The following ELAPOR2 variants were observed in gnomAD, a reference collection of about 807,000 sequenced individuals.
ELAPOR2 encodes the protein endosome/lysosome-associated apoptosis and autophagy regulator family member 2.
In ELAPOR2, 89 loss-of-function variants were observed where a neutral mutation model predicts 120.7. The ratio of observed to expected loss-of-function variants is 0.74; its 90% CI spans 0.62 to 0.88. The LOEUF (loss-of-function observed/expected upper bound fraction) is 0.88. Ranked by LOEUF, ELAPOR2 falls within the 40% of genes least tolerant of loss-of-function variation. The pLI is 0.00. For missense variants in ELAPOR2, 1,134 were observed against 1,251.6 expected (o/e 0.91, Z 1.42); for synonymous variants, 444 against 444.9 (o/e 1.00, Z 0.03).
At chr7:87,025,608 C>G (rs1748298547) in intron 1 of ELAPOR2, among the ~76,000 whole-genome samples, 1 of 151,994 alleles carries the variant, frequency 6.6e-6, no homozygotes, top group African/African-American at 2.4e-5. Flanking sequence ...GCATTACCTG[C>G]CAATCAATTC....
chr7:86,988,635 A>G (rs1792839168), intron 1 of ELAPOR2, among the ~76,000 whole-genome samples: 1 of 152,236 alleles, frequency 6.6e-6, no homozygotes, highest in Non-Finnish European at 1.5e-5. Flanking sequence ...TACAACGATC[A>G]TAGTAACTGC....
chr7:87,059,542 C>A lies in ELAPOR2; in HGVS notation c.-29G>T, dbSNP rs1795371412. 8.5e-7 allele frequency: 1 copy of A among 1,170,346 alleles called. No homozygotes were observed. Among genetic ancestry groups the A allele is most frequent in the Non-Finnish European group, 1.1e-6 (1 of 948,690 alleles). The allele number at this position is 1,170,346 out of a possible 1,614,324, so 72.5% of individuals were successfully genotyped here. ...CGTCCGGCCGCGGTCGGCGGGCCGG[C>A]GGCAAGGCAGCCTTCCCGGGGTGCG... On this transcript the variant is annotated 5_prime_UTR_variant, in exon 1 of 22. Transcript: ENST00000450689.
chr7:87,023,974 A>T (rs968598789), intron 1 of ELAPOR2, among the ~76,000 whole-genome samples: 8 of 152,138 alleles, frequency 5.3e-5, no homozygotes, highest in Admixed American at 3.3e-4. Context: ...GGCTGAGACG[A>T]TGGGGTTTTC....
chr7:86,889,857 GAA>G (rs1788051519), intron 21 of ELAPOR2, among the ~76,000 whole-genome samples: 1 of 151,902 alleles, frequency 6.6e-6, no homozygotes, highest in South Asian at 2.1e-4. Flanking sequence ...GTCAACACAA[GAA>G]AGCTATCTAG....
intron 1 of ELAPOR2, among the ~76,000 whole-genome samples, chr7:86,989,301 A>G (rs1177697380): frequency 6.6e-6 from 1 of 152,220 alleles, no homozygotes; most frequent in Non-Finnish European, 1.5e-5. Context: ...CACATACAAA[A>G]TACGTGCATA....
chr7:87,043,137 A>G (rs1794838582), intron 1 of ELAPOR2, among the ~76,000 whole-genome samples: 1 of 151,912 alleles, frequency 6.6e-6, no homozygotes, highest in Non-Finnish European at 1.5e-5. Flanking sequence ...CCAACGAAAA[A>G]GAGTCCAGGA....
chr7:87,013,452 GC>G (rs1450681652), intron 1 of ELAPOR2, among the ~76,000 whole-genome samples: 1 of 152,082 alleles, frequency 6.6e-6, no homozygotes, highest in Non-Finnish European at 1.5e-5. Context: ...TTTTTAAAAT[GC>G]CCAGGGTTTT....
chr7:86,954,827 G>T (rs1259357075), intron 2 of ELAPOR2, among the ~76,000 whole-genome samples: 1 of 152,042 alleles, frequency 6.6e-6, no homozygotes, highest in Non-Finnish European at 1.5e-5. Context: ...CAATGGGTTA[G>T]TCTTATTTAA....
Position 86,912,942 on chromosome 7 carries a change from T to C in ELAPOR2, c.1994A>G (p.Gln665Arg), listed in dbSNP as rs1225648661. ...IPCGPGSKNN[Q>R]DHSVCYSDCF... is the part of the protein sequence containing the mutation. ...TACCTGAAATGCAGACCCACTTACC[T>C]GATTGTTTTTACTCCCAGGCCCGCA... The change falls in exon 14 of 22, where the codon CAG becomes CGG. Residue 665 changes from glutamine (Q) to arginine (R), a missense_variant and splice_region_variant. This residue lies in a region of ELAPOR2 where 831 missense variants were observed against 867.6 expected (regional missense o/e 0.96). Coordinates refer to ENST00000450689, the MANE Select transcript of ELAPOR2 (RefSeq NM_001142749.3). 6.2e-7 allele frequency: 1 copy of C among 1,613,668 alleles called. No homozygotes were observed. Among genetic ancestry groups the C allele is most frequent in the Non-Finnish European group, 8.5e-7 (1 of 1,179,740 alleles).
chr7:86,919,459 G>C (rs1789721275), intron 10 of ELAPOR2, 149 bp from the exon 11 acceptor site: 4 of 516,650 alleles, frequency 7.7e-6, no homozygotes, highest in Non-Finnish European at 1.3e-5. Flanking sequence ...TTTAATCACA[G>C]TCGCAAATTT....
Position 86,965,033 on chromosome 7 carries a change from A to C in ELAPOR2, c.190-9T>G. 1 of 1,551,458 alleles carries C rather than the reference A, an allele frequency of 6.4e-7. No individual in the cohort carries two copies. Among genetic ancestry groups the C allele is most frequent in the East Asian group, 2.4e-5 (1 of 40,918 alleles). ...TCAAAGTGATAATCTTTCTGCAAAC[A>C]ATCACAAAAACAAGCCTTTGTTAGA... is the stretch of plus-strand genomic sequence containing the variant. On this transcript the variant is annotated splice_polypyrimidine_tract_variant and intron_variant, in intron 1 of 21. Coordinates refer to ENST00000450689, the MANE Select transcript of ELAPOR2 (RefSeq NM_001142749.3).
At chr7:86,919,184 A>G in intron 11 of ELAPOR2, 36 bp downstream of exon 11, 4 of 1,463,948 alleles carry the variant, frequency 2.7e-6, no homozygotes, top group Non-Finnish European at 3.8e-6. Flanking sequence ...AGGTGTAAGG[A>G]TTCTTACAGA....
rs531132296 is a variant in ELAPOR2 at position 86,951,540 on chromosome 7, A to C, written c.311-3618T>G. ...TTTCCATGAAGTCAGAAGGAAAACT[A>C]AGAGATAAAGTTGAAAGTGAATATA... On this transcript the variant is annotated intron_variant, in intron 2 of 21. Coordinates refer to ENST00000450689, the MANE Select transcript of ELAPOR2 (RefSeq NM_001142749.3). Among the ~76,000 whole-genome samples, 4 of 152,366 alleles carry C rather than the reference A, an allele frequency of 2.6e-5. No homozygotes were observed. In the East Asian group the frequency reaches 7.7e-4, roughly 29 times the overall value.
chr7:87,005,188 C>T (rs1366519958), intron 1 of ELAPOR2, among the ~76,000 whole-genome samples: 1 of 152,006 alleles, frequency 6.6e-6, no homozygotes, highest in Non-Finnish European at 1.5e-5. Flanking sequence ...AAGCTCAATA[C>T]GTATACACCA....
At chr7:86,905,118 G>A (rs950515532) in intron 18 of ELAPOR2, among the ~76,000 whole-genome samples, 3 of 120,462 alleles carry the variant, frequency 2.5e-5, no homozygotes, top group African/African-American at 6.4e-5. Flanking sequence ...AAGGAAGGAA[G>A]GAAGGAAGGA....
chr7:86,976,259 C>T (rs1300695300), intron 1 of ELAPOR2, among the ~76,000 whole-genome samples: 1 of 152,112 alleles, frequency 6.6e-6, no homozygotes, highest in African/African-American at 2.4e-5. Context: ...GTCACTTCAT[C>T]CCAGGCAAGT....
At chr7:86,986,752 G>A (rs1172934311) in intron 1 of ELAPOR2, among the ~76,000 whole-genome samples, 6 of 151,646 alleles carry the variant, frequency 4.0e-5, no homozygotes, top group African/African-American at 7.3e-5. Context: ...AATCAATATC[G>A]TGAAAATGGC....
chr7:87,059,590 C>T lies in ELAPOR2; in HGVS notation c.-77G>A, dbSNP rs1795374064. Reference sequence around the variant, plus strand: ...GCGGCGGCAGCTCCGGCTCCCGGGCCGCGACTGCTGTGCGCTCGTCTCGCC... The same window carrying T: ...GCGGCGGCAGCTCCGGCTCCCGGGCTGCGACTGCTGTGCGCTCGTCTCGCC... On this transcript the variant is annotated 5_prime_UTR_variant, in exon 1 of 22. Coordinates refer to ENST00000450689, the MANE Select transcript of ELAPOR2 (RefSeq NM_001142749.3). 1.8e-6 allele frequency: 2 copies of T among 1,126,652 alleles called. No individual in the cohort carries two copies. The highest frequency in any genetic ancestry group is 1.6e-5 in the African/African-American group (1 of 60,688). 69.8% of individuals were successfully genotyped at this position (1,126,652 alleles called of 1,614,324 possible). A position where few individuals can be genotyped will look rare whatever the true frequency, so the allele number is the denominator to read the frequency against.
At chr7:86,937,948 A>G (rs899452279) in intron 8 of ELAPOR2, among the ~76,000 whole-genome samples, 178 bp downstream of exon 8, 2 of 152,116 alleles carry the variant, frequency 1.3e-5, no homozygotes, top group African/African-American at 4.8e-5. Flanking sequence ...ACAGGACTTA[A>G]TGGTATATGT....
Sources: gnomAD v4.1 joint callset for allele counts (sites outside exome capture counted in the v4.1 genomes callset) on GRCh38, gnomAD v4.1.1 for gene constraint, gnomAD v4.1.1 regional missense constraint, MANE v1.5 for transcripts, NCBI Gene and HGNC (gene_info 2026-07-23, HGNC 2026-07-21) for gene names.